Variants in SRBD1 observed in about 807,000 individuals in gnomAD.
The protein encoded by SRBD1 is S1 RNA binding domain 1.
SRBD1 carries 88 observed loss-of-function variants against 115.3 expected under a neutral mutation model. The ratio of observed to expected loss-of-function variants is 0.76; its 90% CI spans 0.64 to 0.91. The LOEUF (loss-of-function observed/expected upper bound fraction) is 0.91. Ranked by LOEUF, SRBD1 falls within the 40% of genes least tolerant of loss-of-function variation. The pLI, the probability that SRBD1 is intolerant of heterozygous loss-of-function variation, is 0.00. For missense variants in SRBD1, 1,385 were observed against 1,177.4 expected (o/e 1.18, Z -2.58); for synonymous variants, 509 against 407.7 (o/e 1.25, Z -2.99).
intron 14 of SRBD1, among the ~76,000 whole-genome samples, chr2:45,530,610 T>C (rs184232639): frequency 8.5e-5 from 13 of 152,118 alleles, no homozygotes; most frequent in Non-Finnish European, 1.5e-4. Flanking sequence ...ATCCTATATA[T>C]GAAAGAAGAT....
intron 6 of SRBD1, among the ~76,000 whole-genome samples, chr2:45,580,820 G>T (rs1438236939): frequency 6.6e-6 from 1 of 150,826 alleles, no homozygotes; most frequent in Non-Finnish European, 1.5e-5. Context: ...GAGTAGCTGG[G>T]ATTACAGGCA....
intron 16 of SRBD1, among the ~76,000 whole-genome samples, chr2:45,462,370 A>G (rs144058083): frequency 2.6e-5 from 4 of 152,334 alleles, no homozygotes; most frequent in African/African-American, 9.6e-5. Context: ...TGCCTCAAAA[A>G]GTCTTTGCAA....
At chr2:45,558,245 G>C (rs1672545839) in intron 10 of SRBD1, among the ~76,000 whole-genome samples, 1 of 152,188 alleles carries the variant, frequency 6.6e-6, no homozygotes, top group Non-Finnish European at 1.5e-5. Context: ...CAGAAGGATT[G>C]TTTAAATCCA....
At chr2:45,406,969 A>C (rs150711322) in intron 19 of SRBD1, among the ~76,000 whole-genome samples, 38 of 152,202 alleles carry the variant, frequency 2.5e-4, no homozygotes, top group African/African-American at 8.9e-4. Flanking sequence ...CAATACCTTT[A>C]ATTGGAAAGA....
chr2:45,610,665 T>C (rs919323334), intron 1 of SRBD1, among the ~76,000 whole-genome samples: 2 of 152,202 alleles, frequency 1.3e-5, no homozygotes, highest in African/African-American at 4.8e-5. Context: ...GCCTCCTACA[T>C]GCCAGGCGCA....
chr2:45,410,914 C>G (rs1233345137), intron 19 of SRBD1, among the ~76,000 whole-genome samples: 1 of 152,120 alleles, frequency 6.6e-6, no homozygotes, highest in Non-Finnish European at 1.5e-5. Flanking sequence ...TATACCTTTC[C>G]CTATACATCT....
intron 16 of SRBD1, among the ~76,000 whole-genome samples, chr2:45,422,577 G>C (rs1668037973): frequency 6.6e-6 from 1 of 152,158 alleles, no homozygotes; most frequent in Admixed American, 6.5e-5. Context: ...AGCCAATTGA[G>C]ACTATCATGT....
intron 14 of SRBD1, among the ~76,000 whole-genome samples, chr2:45,512,765 T>C (rs1480076389): frequency 6.6e-6 from 1 of 152,212 alleles, no homozygotes; most frequent in Non-Finnish European, 1.5e-5. Flanking sequence ...TGATTATCCC[T>C]TATTTTATGA....
chr2:45,537,212 T>C (rs1017364787), intron 14 of SRBD1, among the ~76,000 whole-genome samples: 1 of 152,178 alleles, frequency 6.6e-6, no homozygotes, highest in Non-Finnish European at 1.5e-5. Context: ...CATCACACTT[T>C]ACTTCAGCAC....
intron 10 of SRBD1, among the ~76,000 whole-genome samples, chr2:45,554,233 C>A (rs1036111237): frequency 2.6e-5 from 4 of 152,148 alleles, no homozygotes; most frequent in African/African-American, 9.7e-5. Context: ...CATGTGAGGA[C>A]ACAGCAAGAA....
chr2:45,422,357 A>G (rs1668031118), intron 16 of SRBD1, among the ~76,000 whole-genome samples: 1 of 152,206 alleles, frequency 6.6e-6, no homozygotes, highest in Non-Finnish European at 1.5e-5. Context: ...GCAAGGCCAT[A>G]TGCTTTGGAA....
intron 16 of SRBD1, among the ~76,000 whole-genome samples, chr2:45,432,644 C>A (rs148999922): frequency 1.7e-3 from 264 of 152,242 alleles, no homozygotes; most frequent in Non-Finnish European, 2.8e-3. Context: ...GCTAACAGTG[C>A]CAATAATCCC....
At chr2:45,529,672 T>C (rs373181591) in intron 14 of SRBD1, among the ~76,000 whole-genome samples, 3 of 152,038 alleles carry the variant, frequency 2.0e-5, no homozygotes. Flanking sequence ...GTCTCCCAAA[T>C]GGGTTGAGTT....
chr2:45,521,851 C>T (rs1313083978), intron 14 of SRBD1, among the ~76,000 whole-genome samples: 2 of 152,030 alleles, frequency 1.3e-5, no homozygotes, highest in African/African-American at 4.8e-5. Flanking sequence ...GCCTCTAGTC[C>T]CAGCTACTCA....
chr2:45,461,645 C>G (rs1669321438), intron 16 of SRBD1, among the ~76,000 whole-genome samples: 1 of 152,132 alleles, frequency 6.6e-6, no homozygotes, highest in Non-Finnish European at 1.5e-5. Context: ...TTTTAAACCT[C>G]AGAGATTCAA....
chr2:45,521,427 G>A (rs1356992259), intron 14 of SRBD1, among the ~76,000 whole-genome samples: 1 of 151,682 alleles, frequency 6.6e-6, no homozygotes, highest in Non-Finnish European at 1.5e-5. Context: ...AGTCACTAGG[G>A]AAATGTAAGT....
intron 16 of SRBD1, among the ~76,000 whole-genome samples, chr2:45,465,563 T>A (rs778997749): frequency 3.3e-5 from 5 of 152,154 alleles, no homozygotes; most frequent in Non-Finnish European, 5.9e-5. Flanking sequence ...TTAACACTTT[T>A]AATGATCAAA....
intron 18 of SRBD1, among the ~76,000 whole-genome samples, chr2:45,417,278 G>A (rs373667846): frequency 3.3e-5 from 5 of 152,134 alleles, no homozygotes; most frequent in African/African-American, 1.2e-4. Flanking sequence ...ATAGGAGTGA[G>A]AAGTGGGACT....
At chr2:45,421,758 A>G (rs529849534) in intron 16 of SRBD1, among the ~76,000 whole-genome samples, 11 of 152,234 alleles carry the variant, frequency 7.2e-5, no homozygotes, top group Non-Finnish European at 1.5e-4. Flanking sequence ...TTACATTATT[A>G]CCATTTAATA....
Sources: allele counts gnomAD v4.1 joint callset (sites outside exome capture counted in the v4.1 genomes callset), GRCh38; gene constraint gnomAD v4.1.1; transcripts MANE v1.5; gene names NCBI Gene and HGNC (gene_info 2026-07-23, HGNC 2026-07-21).